The following GPC3 variants were observed in gnomAD, a reference collection of about 807,000 sequenced individuals.
The protein encoded by GPC3 is glypican 3, also known as glypican-3.
A neutral mutation model predicts 34.4 loss-of-function variants in GPC3; 3 were observed. The ratio of observed to expected loss-of-function variants is 0.09; its 90% CI spans 0.04 to 0.23. The LOEUF is 0.23. Among genes scored for constraint, GPC3 ranks in the 10% least tolerant of loss-of-function variants. GPC3 has a pLI of 1.00. For missense variants in GPC3, 351 were observed against 445.6 expected (o/e 0.79, Z 1.91); for synonymous variants, 177 against 174.0 (o/e 1.02, Z -0.13).
intron 2 of GPC3, among the ~76,000 whole-genome samples, chrX:133,831,543 C>T (rs1341362151): frequency 9.0e-6 from 1 of 111,687 alleles, no homozygotes; most frequent in African/African-American, 3.3e-5. Context: ...ACAGCCTGAC[C>T]AACATGGAGA....
intron 7 of GPC3, among the ~76,000 whole-genome samples, chrX:133,574,641 G>A (rs1375385521): frequency 8.9e-6 from 1 of 112,208 alleles, no homozygotes; most frequent in East Asian, 2.8e-4. Flanking sequence ...TGCCAGCAAA[G>A]CTGACTGTGA....
chrX:133,960,436 C>T (rs2076436732), intron 1 of GPC3, among the ~76,000 whole-genome samples: 1 of 111,563 alleles, frequency 9.0e-6, no homozygotes, highest in African/African-American at 3.3e-5. Context: ...TTATCATGTT[C>T]TATATGTTGG....
intron 3 of GPC3, chrX:133,704,112 G>T: frequency 2.2e-6 from 1 of 445,930 alleles, no homozygotes; most frequent in Non-Finnish European, 3.6e-6. Context: ...AGCCCAGTAG[G>T]CTGGGCATCA....
intron 2 of GPC3, among the ~76,000 whole-genome samples, chrX:133,777,045 A>G (rs1223426293): frequency 1.8e-5 from 2 of 108,205 alleles, no homozygotes; most frequent in South Asian, 8.4e-4. Flanking sequence ...ACGCCCAGCT[A>G]ATTTTTTGTA....
At chrX:133,812,589 G>C (rs1298737005) in intron 2 of GPC3, among the ~76,000 whole-genome samples, 1 of 111,950 alleles carries the variant, frequency 8.9e-6, no homozygotes, top group Non-Finnish European at 1.9e-5. Context: ...TGCTTCCTTG[G>C]CTGTATGCCT....
At chrX:133,886,210 T>A (rs978288649) in intron 2 of GPC3, among the ~76,000 whole-genome samples, 6 of 110,423 alleles carry the variant, frequency 5.4e-5, no homozygotes, top group Admixed American at 1.9e-4. Context: ...TAATCAGAGA[T>A]TAGAACTCAG....
intron 2 of GPC3, among the ~76,000 whole-genome samples, chrX:133,899,145 G>A (rs780406061): frequency 1.8e-5 from 2 of 112,299 alleles, no homozygotes; most frequent in South Asian, 3.7e-4. Flanking sequence ...ACACATTGCC[G>A]TATGGATATT....
At chrX:133,778,906 C>T (rs1161973673) in intron 2 of GPC3, among the ~76,000 whole-genome samples, 1 of 112,014 alleles carries the variant, frequency 8.9e-6, no homozygotes, top group Non-Finnish European at 1.9e-5. Flanking sequence ...TATTTTCTGC[C>T]TTTAGTGTTT....
chrX:133,688,338 G>A (rs1275503608), intron 5 of GPC3, among the ~76,000 whole-genome samples: 2 of 111,970 alleles, frequency 1.8e-5, no homozygotes, highest in Admixed American at 1.9e-4. Flanking sequence ...AGATAGGGTG[G>A]TGGTGGGAAG....
At chrX:133,590,173 G>A (rs759313624) in intron 7 of GPC3, among the ~76,000 whole-genome samples, 6 of 111,350 alleles carry the variant, frequency 5.4e-5, no homozygotes, top group South Asian at 3.9e-4. Flanking sequence ...CATTTGTTCC[G>A]TCTGCAACAT....
intron 2 of GPC3, among the ~76,000 whole-genome samples, chrX:133,788,958 A>G (rs902814508): frequency 1.8e-5 from 2 of 110,761 alleles, no homozygotes; most frequent in Non-Finnish European, 3.8e-5. Context: ...ATAATGAAGG[A>G]TATCACCAAG....
At chrX:133,829,271 C>T (rs1307668949) in intron 2 of GPC3, among the ~76,000 whole-genome samples, 1 of 111,949 alleles carries the variant, frequency 8.9e-6, no homozygotes, top group African/African-American at 3.2e-5. Context: ...AAAGATATAA[C>T]AATTATAAGC....
At chrX:133,601,779 A>T (rs1254169882) in intron 6 of GPC3, among the ~76,000 whole-genome samples, 1 of 111,960 alleles carries the variant, frequency 8.9e-6, no homozygotes, top group African/African-American at 3.2e-5. Context: ...GATGCTTATT[A>T]AAAAATTAGC....
At chrX:133,951,047 A>AGAGTGT (rs2076390441) in intron 2 of GPC3, among the ~76,000 whole-genome samples, 1 of 76,699 alleles carries the variant, frequency 1.3e-5, no homozygotes, top group Non-Finnish European at 2.5e-5. Context: ...AATTCAAGAA[A>AGAGTGT]GTGTGTGTGT....
chrX:133,835,509 T>A (rs762644028), intron 2 of GPC3, among the ~76,000 whole-genome samples: 5 of 112,088 alleles, frequency 4.5e-5, no homozygotes, highest in African/African-American at 1.6e-4. Context: ...CAAAATTGCA[T>A]AAAAACTATC....
intron 2 of GPC3, among the ~76,000 whole-genome samples, chrX:133,806,870 G>A (rs1038424731): frequency 9.0e-6 from 1 of 110,644 alleles, no homozygotes; most frequent in African/African-American, 3.3e-5. Flanking sequence ...GGATGATCTC[G>A]ATCTCCTGAC....
intron 2 of GPC3, among the ~76,000 whole-genome samples, chrX:133,823,128 CAAAAAAAAAAAAAAAAAAAAAAAA>C (rs34231185): frequency 2.1e-4 from 4 of 18,869 alleles, no homozygotes; most frequent in East Asian, 3.0e-3. Context: ...GACTCCGTCT[CAAAAAAAAAAAAAAAAAAAAAAAA>C]AAAAAAAAAA....
At chrX:133,847,847 T>C (rs917020240) in intron 2 of GPC3, among the ~76,000 whole-genome samples, 4 of 111,927 alleles carry the variant, frequency 3.6e-5, no homozygotes, top group African/African-American at 1.3e-4. Flanking sequence ...CCTGCTTCTA[T>C]TAATGTACAA....
chrX:133,923,778 G>C (rs1205732700), intron 2 of GPC3, among the ~76,000 whole-genome samples: 2 of 112,241 alleles, frequency 1.8e-5, no homozygotes, highest in Admixed American at 1.9e-4. Context: ...CCTCAAGCTG[G>C]ATCTTCCAAA....
Sources: allele counts gnomAD v4.1 joint callset (sites outside exome capture counted in the v4.1 genomes callset), GRCh38; gene constraint gnomAD v4.1.1; transcripts MANE v1.5; gene names NCBI Gene and HGNC (gene_info 2026-07-23, HGNC 2026-07-21).